MAML2: variants seen among roughly 807,000 people sequenced by gnomAD.
MAML2 encodes the protein mastermind like transcriptional coactivator 2.
In MAML2, 22 loss-of-function variants were observed where a neutral mutation model predicts 96.1. The observed-to-expected ratio is 0.23, with a 90% CI of 0.16 to 0.33. MAML2 has a LOEUF of 0.33. Ranked by LOEUF, MAML2 falls within the 10% of genes least tolerant of loss-of-function variation. The probability of loss-of-function intolerance (pLI) is 1.00; values close to 1 mark genes in which losing one functional copy is unlikely to be tolerated. For missense variants in MAML2, 1,367 were observed against 1,392.4 expected (o/e 0.98, Z 0.29); for synonymous variants, 561 against 521.3 (o/e 1.08, Z -1.04).
Position 96,092,882 on chromosome 11 carries a change from C to A in MAML2, c.1149G>T (p.Arg383Ser). The change falls in exon 2 of 5, where the codon AGG becomes AGT. Residue 383 changes from arginine to serine, a missense_variant. Physicochemically the swap from Arg to Ser is moderately radical, Grantham distance 110. Transcript: ENST00000524717. This position sits in a 1 kb window ranked among gnomAD's most constrained non-coding sequence, Gnocchi z 4.1. ...AGAATGCGGGGCCAGCTGATGGGGG[C>A]CTCAGCTGAGGAGAGCCTGAGGGGC... is the stretch of plus-strand genomic sequence containing the variant. ...TQGPSGSPQL[R>S]PPSAGPAFSM... 1 of 1,605,000 alleles carries A rather than the reference C, an allele frequency of 6.2e-7. No individual in the cohort carries two copies. The highest frequency in any genetic ancestry group is 1.1e-5 in the South Asian group (1 of 89,292).
chr11:96,301,030 C>T (rs1863379452), intron 1 of MAML2, among the ~76,000 whole-genome samples: 1 of 152,162 alleles, frequency 6.6e-6, no homozygotes, highest in Non-Finnish European at 1.5e-5. Flanking sequence ...CCACAATAAA[C>T]ACTCAATAAC....
Position 95,979,106 on chromosome 11 carries a change from C to T in MAML2, c.3313G>A (p.Asp1105Asn), listed in dbSNP as rs1260898115. The T allele has an allele frequency of 1.2e-6, 2 of 1,613,994 alleles. No homozygotes were observed. Among genetic ancestry groups the T allele is most frequent in the Non-Finnish European group, 1.7e-6 (2 of 1,179,896 alleles). The change falls in exon 5 of 5, where the codon GAC becomes AAC. Residue 1105 changes from aspartate to asparagine, a missense_variant. Coordinates refer to ENST00000524717, the MANE Select transcript of MAML2 (RefSeq NM_032427.4). The stretch of plus-strand genomic sequence containing the variant: ...TGGCTGAGGAAGTCAAAAGCTAAGT[C>T]ACTGCTGTGGTCAGTTCCTTGAAAA... The part of the protein sequence containing the change: ...RAFQGTDHSS[D>N]LAFDFLSQQN...
intron 4 of MAML2, among the ~76,000 whole-genome samples, chr11:95,985,288 T>A (rs542662376): frequency 9.9e-5 from 15 of 152,192 alleles, no homozygotes; most frequent in Non-Finnish European, 2.1e-4. Flanking sequence ...AATATTTAGC[T>A]CTTTTGAATT....
intron 1 of MAML2, among the ~76,000 whole-genome samples, chr11:96,242,766 T>C (rs1448337067): frequency 2.6e-5 from 4 of 152,200 alleles, no homozygotes; most frequent in Non-Finnish European, 1.5e-5. Flanking sequence ...GAAAGGATCA[T>C]AATTTTATGA....
rs1217076435 is a variant in MAML2 at position 96,342,630 on chromosome 11, G to A, written c.-735C>T. On this transcript the variant is annotated 5_prime_UTR_variant, in exon 1 of 5. Coordinates refer to ENST00000524717, the MANE Select transcript of MAML2 (RefSeq NM_032427.4). ...ATGTTGTCTTCTCCCAAAAGAGGGAGACAGCTTTTCAACTGTTAACAATGT... is the reference window on the plus strand; with the variant it reads ...ATGTTGTCTTCTCCCAAAAGAGGGAAACAGCTTTTCAACTGTTAACAATGT... The A allele has an allele frequency of 1.5e-5, 6 of 388,962 alleles. No homozygotes were observed. Among genetic ancestry groups the A allele is most frequent in the Non-Finnish European group, 1.8e-5 (4 of 220,642 alleles). 24.1% of individuals were successfully genotyped at this position (388,962 alleles called of 1,614,324 possible). A position where few individuals can be genotyped will look rare whatever the true frequency, so the allele number is the denominator to read the frequency against.
At chr11:96,337,696 T>C (rs1356695213) in intron 1 of MAML2, among the ~76,000 whole-genome samples, 1 of 152,278 alleles carries the variant, frequency 6.6e-6, no homozygotes, top group Non-Finnish European at 1.5e-5. Context: ...CAATAAGTGC[T>C]ATTTCATCAT....
At chr11:96,164,713 G>A (rs1470483721) in intron 1 of MAML2, among the ~76,000 whole-genome samples, 1 of 152,156 alleles carries the variant, frequency 6.6e-6, no homozygotes, top group Non-Finnish European at 1.5e-5. Flanking sequence ...AGAAAGTAGG[G>A]TCAAAGATCT....
chr11:96,039,662 A>T (rs553483576), intron 2 of MAML2, among the ~76,000 whole-genome samples: 36 of 151,704 alleles, frequency 2.4e-4, no homozygotes, highest in African/African-American at 8.4e-4. Flanking sequence ...AAAAGAGATC[A>T]TCGGCCGGGC....
intron 1 of MAML2, among the ~76,000 whole-genome samples, chr11:96,187,831 G>A (rs1055897242): frequency 3.3e-5 from 5 of 151,634 alleles, no homozygotes; most frequent in Admixed American, 3.3e-4. Context: ...GTCGTGTTTA[G>A]GAATGTCCAC....
chr11:96,023,270 G>A (rs1264177690), intron 2 of MAML2, among the ~76,000 whole-genome samples: 1 of 152,226 alleles, frequency 6.6e-6, no homozygotes, highest in African/African-American at 2.4e-5. Flanking sequence ...TACAAGGGGA[G>A]AAGCTGCAGA....
chr11:96,184,568 C>G (rs1249970268), intron 1 of MAML2, among the ~76,000 whole-genome samples: 1 of 151,206 alleles, frequency 6.6e-6, no homozygotes, highest in Non-Finnish European at 1.5e-5. Flanking sequence ...GGAATGCAAG[C>G]AACTCTGAAT....
chr11:96,218,739 G>A (rs1049223781), intron 1 of MAML2, among the ~76,000 whole-genome samples: 4 of 152,026 alleles, frequency 2.6e-5, no homozygotes, highest in Non-Finnish European at 5.9e-5. Flanking sequence ...TGACTGGGTA[G>A]GTTGCCAAAT....
chr11:96,159,337 G>A (rs1198786718), intron 1 of MAML2, among the ~76,000 whole-genome samples: 1 of 146,690 alleles, frequency 6.8e-6, no homozygotes, highest in African/African-American at 2.5e-5. Flanking sequence ...AGGCGGATTT[G>A]TTGTCAGTCC....
intron 1 of MAML2, among the ~76,000 whole-genome samples, chr11:96,196,064 C>T (rs1861726129): frequency 6.6e-6 from 1 of 152,086 alleles, no homozygotes; most frequent in African/African-American, 2.4e-5. Flanking sequence ...TACATATCTG[C>T]AACAAAGATG....
chr11:96,148,398 C>T (rs1212191334), intron 1 of MAML2, among the ~76,000 whole-genome samples: 2 of 151,480 alleles, frequency 1.3e-5, no homozygotes, highest in African/African-American at 4.9e-5. Context: ...ATGTCACCCT[C>T]TAAGTGAACT....
intron 2 of MAML2, among the ~76,000 whole-genome samples, chr11:95,992,293 C>T (rs1857925991): frequency 6.6e-6 from 1 of 152,150 alleles, no homozygotes; most frequent in Non-Finnish European, 1.5e-5. Context: ...AAATTTTGTT[C>T]CGCAGTCAAC....
At chr11:96,270,619 A>T (rs1428269842) in intron 1 of MAML2, among the ~76,000 whole-genome samples, 1 of 152,128 alleles carries the variant, frequency 6.6e-6, no homozygotes, top group Non-Finnish European at 1.5e-5. Flanking sequence ...ACCATTTCTT[A>T]TTAATACAAT....
chr11:96,129,217 T>C (rs1481595801), intron 1 of MAML2, among the ~76,000 whole-genome samples: 1 of 152,234 alleles, frequency 6.6e-6, no homozygotes, highest in Non-Finnish European at 1.5e-5. Flanking sequence ...ATACATACAC[T>C]GAATTGGTCA....
chr11:96,075,611 T>C (rs1365970513), intron 2 of MAML2, among the ~76,000 whole-genome samples: 2 of 152,114 alleles, frequency 1.3e-5, no homozygotes, highest in African/African-American at 4.8e-5. Flanking sequence ...GGAAGACAGA[T>C]AATTCTGGAA....
Sources: gnomAD v4.1 joint callset for allele counts (sites outside exome capture counted in the v4.1 genomes callset) on GRCh38, gnomAD v4.1.1 for gene constraint, Gnocchi (gnomAD v3.1) non-coding constraint, MANE v1.5 for transcripts, NCBI Gene and HGNC (gene_info 2026-07-23, HGNC 2026-07-21) for gene names.